Variants in NRXN2 observed in about 807,000 individuals in gnomAD.
The protein encoded by NRXN2 is neurexin-2-beta.
A neutral mutation model predicts 128.8 loss-of-function variants in NRXN2; 29 were observed. The ratio of observed to expected loss-of-function variants is 0.23; its 90% CI spans 0.17 to 0.31. The LOEUF is 0.31. Ranked by LOEUF, NRXN2 falls within the 10% of genes least tolerant of loss-of-function variation. NRXN2 has a pLI of 1.00. For missense variants in NRXN2, 1,881 were observed against 2,452.6 expected, an observed-to-expected ratio of 0.77 and a Z score of 4.92; for synonymous variants, 1,098 against 1,075.2, an observed-to-expected ratio of 1.02 and a Z score of -0.41.
At position 64,630,504 on chromosome 11, in the gene NRXN2, T is replaced by C. The variant is rs777821011; in HGVS notation, c.3655A>G (p.Ile1219Val). 2.3e-5 allele frequency: 37 copies of C among 1,613,936 alleles called. No homozygotes were observed. The East Asian group carries it at 7.6e-4, about 33-fold the overall frequency. The change falls in exon 19 of 23, where the codon ATA (isoleucine) becomes GTA (valine). Residue 1219 changes from isoleucine (I) to valine (V), a missense_variant. Ile to Val is a conservative substitution (Grantham distance 29). Around this residue, in one of 7 missense-constraint regions of NRXN2, gnomAD observed 390 missense variants for 599.6 expected, o/e 0.65. Coordinates refer to ENST00000265459, the MANE Select transcript of NRXN2 (RefSeq NM_015080.4). The surrounding 1 kb of genome is among the most constrained non-coding windows in gnomAD (Gnocchi z 4.6). ...DDITIDEPNA[I>V]VSDGKYHVVR... ...ACGTGGTATTTGCCGTCGCTTACTA[T>C]GGCGTTGGGCTCGTCGATGGTAATG...
intron 11 of NRXN2, among the ~76,000 whole-genome samples, chr11:64,654,973 T>A (rs2048035123): frequency 6.6e-6 from 1 of 152,180 alleles, no homozygotes; most frequent in African/African-American, 2.4e-5. Context: ...AGGTAGACAC[T>A]GGGTTGGCTT....
At chr11:64,629,948 G>T (rs887462455) in intron 19 of NRXN2, among the ~76,000 whole-genome samples, 3 of 152,038 alleles carry the variant, frequency 2.0e-5, no homozygotes, top group African/African-American at 7.3e-5. Flanking sequence ...CCTTGGCTCT[G>T]CCCGTGGTAA....
intron 9 of NRXN2, among the ~76,000 whole-genome samples, chr11:64,666,411 AG>A (rs1423721654): frequency 6.6e-6 from 1 of 151,834 alleles, no homozygotes; most frequent in Non-Finnish European, 1.5e-5. Context: ...CATGTTGGCC[AG>A]TCTGGTCTCA....
At chr11:64,655,204 C>A (rs1387563041) in intron 11 of NRXN2, among the ~76,000 whole-genome samples, 3 of 152,218 alleles carry the variant, frequency 2.0e-5, no homozygotes, top group Non-Finnish European at 4.4e-5. Flanking sequence ...CAGCTGAGCT[C>A]CACACGCGTT....
chr11:64,702,220 G>A (rs1271589165), intron 2 of NRXN2, among the ~76,000 whole-genome samples: 1 of 151,780 alleles, frequency 6.6e-6, no homozygotes, highest in Non-Finnish European at 1.5e-5. Context: ...CCGTCCGGGA[G>A]GTGAGGGGCG....
At chr11:64,655,796 T>A (rs2048190726) in intron 11 of NRXN2, among the ~76,000 whole-genome samples, 1 of 152,088 alleles carries the variant, frequency 6.6e-6, no homozygotes, top group Non-Finnish European at 1.5e-5. Flanking sequence ...GCCAGCCCCA[T>A]CCAGAAGAAA....
chr11:64,668,754 G>A, intron 7 of NRXN2, 150 bp from the exon 8 acceptor site: 3 of 814,384 alleles, frequency 3.7e-6, no homozygotes, highest in Non-Finnish European at 6.1e-6. Context: ...GAGGAACAGT[G>A]GGGGAAGAGA....
chr11:64,722,445 C>T (rs1001236740), intron 1 of NRXN2, among the ~76,000 whole-genome samples: 3 of 152,042 alleles, frequency 2.0e-5, no homozygotes, highest in African/African-American at 7.2e-5. Flanking sequence ...GGCTCCCATC[C>T]CCCAGGAAAG....
In NRXN2 at chr11:64,654,533, C is replaced by T. The variant is rs534135848; in HGVS notation, c.2390-811G>A. Among the ~76,000 whole-genome samples the T allele has an allele frequency of 3.4e-4, 52 of 152,304 alleles. No individual in the cohort carries two copies. In the South Asian group the frequency reaches 7.1e-3, roughly 21 times the overall value. On this transcript the variant is annotated intron_variant, in intron 11 of 22. Coordinates refer to ENST00000265459, the MANE Select transcript of NRXN2 (RefSeq NM_015080.4). ...AAAGTTTCCTGCCCCTGCCCCAGTC[C>T]GGTCCTGGCATTGCTATCCTCTGAT...
At chr11:64,654,228 G>A (rs754708650) in intron 11 of NRXN2, among the ~76,000 whole-genome samples, 1 of 152,132 alleles carries the variant, frequency 6.6e-6, no homozygotes, top group Non-Finnish European at 1.5e-5. Context: ...AAATGGAGGG[G>A]TCTGCCCCAG....
chr11:64,643,418 G>A, intron 17 of NRXN2: 1 of 251,448 alleles, frequency 4.0e-6, no homozygotes, highest in Non-Finnish European at 6.1e-6. Context: ...GGGAATGAAG[G>A]GATAGGAGAG....
At chr11:64,609,651 C>T (rs2040311532) in intron 22 of NRXN2, among the ~76,000 whole-genome samples, 1 of 152,238 alleles carries the variant, frequency 6.6e-6, no homozygotes, top group African/African-American at 2.4e-5. Context: ...TCCTCTCAAA[C>T]CAAAATTGTG....
chr11:64,627,332 G>C (rs918707053), intron 19 of NRXN2, among the ~76,000 whole-genome samples: 7 of 151,858 alleles, frequency 4.6e-5, no homozygotes, highest in Non-Finnish European at 7.4e-5. Context: ...TCATCATCCA[G>C]CAGCCCCCTT....
chr11:64,680,703 G>A (rs2052107797), intron 6 of NRXN2, among the ~76,000 whole-genome samples: 1 of 152,178 alleles, frequency 6.6e-6, no homozygotes, highest in African/African-American at 2.4e-5. Flanking sequence ...GGCTAGTGGG[G>A]AGAGACGTTA....
In NRXN2 at chr11:64,632,312, T is replaced by G. The variant is rs1477398370; in HGVS notation, c.3586-1739A>C. Among the ~76,000 whole-genome samples the G allele has an allele frequency of 6.6e-6, 1 of 152,152 alleles. No individual in the cohort carries two copies. The highest frequency in any genetic ancestry group is 1.5e-5 in the Non-Finnish European group (1 of 68,024). On this transcript the variant is annotated intron_variant, in intron 18 of 22. Transcript: ENST00000265459. This position sits in a 1 kb window ranked among gnomAD's most constrained non-coding sequence, Gnocchi z 4.2. ...ATGCATGCACACAGTCATACATGCA[T>G]GCAGCCTCTCTCCTCAGATGCAGTA...
intron 17 of NRXN2, chr11:64,642,939 A>C (rs2045964892): frequency 9.8e-7 from 1 of 1,022,572 alleles, no homozygotes; most frequent in Non-Finnish European, 1.2e-6. Flanking sequence ...ACCAGGGCCC[A>C]AGCCTCGGTC....
chr11:64,685,526 G>A, intron 6 of NRXN2, 120 bp downstream of exon 6: 1 of 1,349,022 alleles, frequency 7.4e-7, no homozygotes, highest in South Asian at 1.2e-5. Flanking sequence ...TTCTTCTCCA[G>A]AACCACACCT....
At chr11:64,652,553 T>TG (rs994577628) in intron 12 of NRXN2, among the ~76,000 whole-genome samples, 2 of 152,110 alleles carry the variant, frequency 1.3e-5, no homozygotes, top group African/African-American at 2.4e-5. Context: ...GGGCCTTCAG[T>TG]GAGTGTGGCC....
At chr11:64,645,057 G>C (rs756834275) in intron 17 of NRXN2, among the ~76,000 whole-genome samples, 1 of 152,144 alleles carries the variant, frequency 6.6e-6, no homozygotes, top group Non-Finnish European at 1.5e-5. Context: ...GGAGGCTTCC[G>C]GTGGTGCAGG....
Sources: allele counts gnomAD v4.1 joint callset (sites outside exome capture counted in the v4.1 genomes callset), GRCh38; gene constraint gnomAD v4.1.1; regional missense constraint gnomAD v4.1.1; non-coding constraint Gnocchi (gnomAD v3.1); transcripts MANE v1.5; gene names NCBI Gene and HGNC (gene_info 2026-07-23, HGNC 2026-07-21).